PCDHGA2: variants seen among roughly 807,000 people sequenced by gnomAD.
PCDHGA2 encodes the protein protocadherin gamma-A2.
In PCDHGA2, 40 loss-of-function variants were observed where a neutral mutation model predicts 59.2. That is an observed-to-expected ratio of 0.68 (90% CI 0.52 to 0.88). PCDHGA2 has a LOEUF of 0.88. Ranked by LOEUF, PCDHGA2 falls within the 40% of genes least tolerant of loss-of-function variation. The pLI is 0.00. For synonymous variants in PCDHGA2, 560 were observed against 526.0 expected (o/e 1.06, Z -0.89); for missense variants, 1,226 against 1,204.0 (o/e 1.02, Z -0.27).
rs1178458180 is a variant in PCDHGA2 at position 141,384,264 on chromosome 5, A to G, written c.2424+42869A>G. The G allele has an allele frequency of 5.0e-6, 8 of 1,613,664 alleles. No individual in the cohort carries two copies. The African/African-American group carries it at 8.0e-5, about 16-fold the overall frequency. On this transcript the variant is annotated intron_variant, in intron 1 of 3. Transcript: ENST00000394576. ...ATAACCCACCCACCTTCCCCCACTCATCCTACTCAGTCTACATCGCTGAGA... is the reference window on the plus strand; with the variant it reads ...ATAACCCACCCACCTTCCCCCACTCGTCCTACTCAGTCTACATCGCTGAGA...
chr5:141,408,549 T>C, intron 1 of PCDHGA2: 1 of 1,614,016 alleles, frequency 6.2e-7, no homozygotes, highest in Non-Finnish European at 8.5e-7. Flanking sequence ...CCTTTAAATA[T>C]TTTTCATGTC....
At chr5:141,345,989 C>G (rs1224103183) in intron 1 of PCDHGA2, 1 of 1,613,424 alleles carries the variant, frequency 6.2e-7, no homozygotes, top group Non-Finnish European at 8.5e-7. Flanking sequence ...ACGGCCAGCC[C>G]CCTCTCTCCG....
Position 141,427,950 on chromosome 5 carries a change from A to C in PCDHGA2, c.2425-66857A>C, listed in dbSNP as rs773336611. The stretch of plus-strand genomic sequence containing the variant: ...CATGTTGGTGGGCGACCTCAATGAC[A>C]ATGTGCCGCGGGTGCTGTACCCCGC... On this transcript the variant is annotated intron_variant, in intron 1 of 3. Transcript: ENST00000394576. 7 of 1,586,816 alleles carry C rather than the reference A, an allele frequency of 4.4e-6. No individual in the cohort carries two copies. The African/African-American group carries it at 8.1e-5, about 18-fold the overall frequency.
rs202028729 is a variant in PCDHGA2, at chr5:141,339,095, G to C, written c.124G>C (p.Gly42Arg). 14 of 1,614,130 alleles carry C rather than the reference G, an allele frequency of 8.7e-6. No homozygotes were observed. The highest frequency in any genetic ancestry group is 1.7e-5 in the Admixed American group (1 of 60,014). The change falls in exon 1 of 4, where the codon GGC becomes CGC. Residue 42 changes from glycine to arginine, a missense_variant. Coordinates refer to ENST00000394576, the MANE Select transcript of PCDHGA2 (RefSeq NM_018915.4). ...RYSVREEIDR[G>R]SFVGNIAKDL... ...TTCTGTGCGGGAAGAGATCGACAGAGGCTCCTTCGTAGGCAACATCGCCAA... is the reference window on the plus strand; with the variant it reads ...TTCTGTGCGGGAAGAGATCGACAGACGCTCCTTCGTAGGCAACATCGCCAA...
Position 141,438,902 on chromosome 5 carries a change from G to A in PCDHGA2, c.2425-55905G>A, listed in dbSNP as rs185216039. 2.0e-5 allele frequency among the ~76,000 whole-genome samples: 3 copies of A among 151,906 alleles called. No homozygotes were observed. The East Asian group carries it at 5.8e-4, about 29-fold the overall frequency. On this transcript the variant is annotated intron_variant, in intron 1 of 3. Coordinates refer to ENST00000394576, the MANE Select transcript of PCDHGA2 (RefSeq NM_018915.4). ...GCTGCTCTTGAACTCCTGACCTCAGGTGATCCACCTGCCTTGGCCTCCCAA... is the reference window on the plus strand; with the variant it reads ...GCTGCTCTTGAACTCCTGACCTCAGATGATCCACCTGCCTTGGCCTCCCAA...
Position 141,340,967 on chromosome 5 carries a change from G to T in PCDHGA2, c.1996G>T (p.Asp666Tyr). 1.2e-6 allele frequency: 2 copies of T among 1,613,876 alleles called. No individual in the cohort carries two copies. The highest frequency in any genetic ancestry group is 1.7e-6 in the Non-Finnish European group (2 of 1,179,832). The change falls in exon 1 of 4, where the codon GAC becomes TAC. Residue 666 changes from aspartate to tyrosine, a missense_variant. Transcript: ENST00000394576. ...TGTCACGCTCACCGTGGCCGTGGCC[G>T]ACAGGATCCCCGACATCCTGGCCGA... ...ATVTLTVAVADRIPDILADLG... is the reference protein window; with the variant it reads ...ATVTLTVAVAYRIPDILADLG...
At position 141,339,481 on chromosome 5, in the gene PCDHGA2, C is replaced by T. The variant is rs758777586; in HGVS notation, c.510C>T (p.Tyr170=). The change falls in exon 1 of 4, where the codon TAC becomes TAT. Residue 170 remains tyrosine (Y), a synonymous_variant. Coordinates refer to ENST00000394576, the MANE Select transcript of PCDHGA2 (RefSeq NM_018915.4). ...ADVGENALQK[Y]ALNPNDHFSL... ...TAGGTGAGAACGCCCTTCAGAAGTA[C>T]GCACTCAACCCAAATGACCACTTCT... 4 of 1,614,162 alleles carry T rather than the reference C, an allele frequency of 2.5e-6. No individual in the cohort carries two copies. The East Asian group carries it at 8.9e-5, about 36-fold the overall frequency.
chr5:141,477,260 G>A lies in PCDHGA2; in HGVS notation c.2425-17547G>A. On this transcript the variant is annotated intron_variant, in intron 1 of 3. Coordinates refer to ENST00000394576, the MANE Select transcript of PCDHGA2 (RefSeq NM_018915.4). This position sits in a 1 kb window ranked among gnomAD's most constrained non-coding sequence, Gnocchi z 4.9. ...GCTCAGTGTGACTGACCTGGATGCTGGCGAGAACGGGCTGGTGACCTGCGA... is the reference window on the plus strand; with the variant it reads ...GCTCAGTGTGACTGACCTGGATGCTAGCGAGAACGGGCTGGTGACCTGCGA... 6.2e-7 allele frequency: 1 copy of A among 1,614,200 alleles called. No homozygotes were observed. Among genetic ancestry groups the A allele is most frequent in the Non-Finnish European group, 8.5e-7 (1 of 1,180,048 alleles).
At chr5:141,445,134 A>T (rs900226020) in intron 1 of PCDHGA2, among the ~76,000 whole-genome samples, 1 of 152,198 alleles carries the variant, frequency 6.6e-6, no homozygotes, top group East Asian at 1.9e-4. Context: ...TTAAAATTGT[A>T]TCTTCTAATT....
chr5:141,390,790 G>C (rs2092232072), intron 1 of PCDHGA2: 2 of 166,124 alleles, frequency 1.2e-5, no homozygotes, highest in Admixed American at 1.2e-4. Flanking sequence ...TGTTTCAAAA[G>C]CTCTTAGAAT....
In PCDHGA2 at chr5:141,487,161, T is replaced by G; in HGVS notation, c.2425-7646T>G. ...CTCTCTACCTCTGTTACTCTCTTAGTGTCCTTAGAGGAAGACACTCATCCA... is the reference window on the plus strand; with the variant it reads ...CTCTCTACCTCTGTTACTCTCTTAGGGTCCTTAGAGGAAGACACTCATCCA... On this transcript the variant is annotated intron_variant, in intron 1 of 3. Transcript: ENST00000394576. The surrounding 1 kb of genome is among the most constrained non-coding windows in gnomAD (Gnocchi z 5.0). The G allele has an allele frequency of 6.2e-7, 1 of 1,613,528 alleles. No individual in the cohort carries two copies. The highest frequency in any genetic ancestry group is 1.1e-5 in the South Asian group (1 of 91,072).
chr5:141,351,066 G>A (rs930490756), intron 1 of PCDHGA2: 1 of 1,614,050 alleles, frequency 6.2e-7, no homozygotes, highest in Non-Finnish European at 8.5e-7. Flanking sequence ...CAGGATGAGG[G>A]CATTAATGCA....
intron 1 of PCDHGA2, chr5:141,343,774 T>C (rs1757321671): frequency 2.4e-6 from 1 of 408,490 alleles, no homozygotes. Context: ...CGGTTAGGCC[T>C]CTTAGTGTCG....
At position 141,374,771 on chromosome 5, in the gene PCDHGA2, G is replaced by A. The variant is rs1770825611; in HGVS notation, c.2424+33376G>A. 1 of 1,613,744 alleles carries A rather than the reference G, an allele frequency of 6.2e-7. No individual in the cohort carries two copies. The highest frequency in any genetic ancestry group is 8.5e-7 in the Non-Finnish European group (1 of 1,179,778). On this transcript the variant is annotated intron_variant, in intron 1 of 3. Transcript: ENST00000394576. ...CCGCTCAAGCGTCGCCCAAATTCTG[G>A]TAACAGTTCTAGATGTGAATGACAA...
intron 1 of PCDHGA2, chr5:141,360,753 T>G (rs1761729946): frequency 6.2e-7 from 1 of 1,613,848 alleles, no homozygotes; most frequent in Non-Finnish European, 8.5e-7. Context: ...AAGAGCACAG[T>G]TTACATCAAT....
At chr5:141,405,440 GAC>G (rs1297950312) in intron 1 of PCDHGA2, 3 of 1,417,402 alleles carry the variant, frequency 2.1e-6, no homozygotes, top group Non-Finnish European at 2.9e-6. Flanking sequence ...TTGTTTTTGA[GAC>G]AGAGTCTTAC....
At chr5:141,362,197 C>G in intron 1 of PCDHGA2, 1 of 1,614,082 alleles carries the variant, frequency 6.2e-7, no homozygotes, top group Admixed American at 1.7e-5. Context: ...CCAGGCAAAA[C>G]TGCAGTTTTA....
rs1012790217 is a variant in PCDHGA2 at position 141,432,087 on chromosome 5, C to T, written c.2425-62720C>T. On this transcript the variant is annotated intron_variant, in intron 1 of 3. Coordinates refer to ENST00000394576, the MANE Select transcript of PCDHGA2 (RefSeq NM_018915.4). This position sits in a 1 kb window ranked among gnomAD's most constrained non-coding sequence, Gnocchi z 6.0. ...GAAACTCATATCTCGCTGAACGTGG[C>T]AGACACCAACGACAACCCGCCGGTC... is the stretch of plus-strand genomic sequence containing the variant. The T allele has an allele frequency of 2.5e-6, 4 of 1,614,060 alleles. No homozygotes were observed. The African/African-American group carries it at 4.0e-5, about 16-fold the overall frequency.
chr5:141,501,442 T>C (rs1202229661), intron 2 of PCDHGA2, among the ~76,000 whole-genome samples: 1 of 152,016 alleles, frequency 6.6e-6, no homozygotes, highest in African/African-American at 2.4e-5. Context: ...ATTTCTTCCA[T>C]TTTTACTTTT....
Sources: allele counts gnomAD v4.1 joint callset (sites outside exome capture counted in the v4.1 genomes callset), GRCh38; gene constraint gnomAD v4.1.1; non-coding constraint Gnocchi (gnomAD v3.1); transcripts MANE v1.5; gene names NCBI Gene and HGNC (gene_info 2026-07-23, HGNC 2026-07-21).